Variants in CNTN4 observed in about 807,000 individuals in gnomAD.
CNTN4 encodes the protein contactin 4.
CNTN4 carries 77 observed loss-of-function variants against 122.5 expected under a neutral mutation model. The ratio of observed to expected loss-of-function variants is 0.63; its 90% CI spans 0.52 to 0.76. The LOEUF is 0.76. Ranked by LOEUF, CNTN4 falls within the 30% of genes least tolerant of loss-of-function variation. The probability of loss-of-function intolerance (pLI) is 0.00; values close to 1 mark genes in which losing one functional copy is unlikely to be tolerated. For missense variants in CNTN4, 1,256 were observed against 1,259.1 expected (o/e 1.00, Z 0.04); for synonymous variants, 512 against 447.0 (o/e 1.15, Z -1.83).
At chr3:2,554,610 A>AT (rs1298057659) in intron 3 of CNTN4, among the ~76,000 whole-genome samples, 1 of 152,036 alleles carries the variant, frequency 6.6e-6, no homozygotes. Flanking sequence ...AAATATATAT[A>AT]TTTTTTATTT....
chr3:2,559,873 T>G (rs1182349688), intron 3 of CNTN4, among the ~76,000 whole-genome samples: 1 of 152,178 alleles, frequency 6.6e-6, no homozygotes, highest in Non-Finnish European at 1.5e-5. Flanking sequence ...TGAAGAAGAA[T>G]GCAAGCTCCA....
intron 3 of CNTN4, among the ~76,000 whole-genome samples, chr3:2,484,944 G>T (rs900186304): frequency 1.3e-5 from 2 of 152,154 alleles, no homozygotes; most frequent in African/African-American, 4.8e-5. Context: ...GCTGCACCCT[G>T]CGCTCACCGG....
chr3:2,984,854 A>G (rs1694402090), intron 13 of CNTN4, among the ~76,000 whole-genome samples: 1 of 152,260 alleles, frequency 6.6e-6, no homozygotes, highest in Non-Finnish European at 1.5e-5. Flanking sequence ...GTCACCTTAC[A>G]TATTGAATTC....
chr3:2,288,093 A>G (rs1215485331), intron 2 of CNTN4, among the ~76,000 whole-genome samples: 1 of 152,218 alleles, frequency 6.6e-6, no homozygotes, highest in African/African-American at 2.4e-5. Flanking sequence ...ATAAATTAGA[A>G]TAGATATTAG....
At chr3:2,269,820 G>A (rs1003987436) in intron 2 of CNTN4, among the ~76,000 whole-genome samples, 2 of 152,158 alleles carry the variant, frequency 1.3e-5, no homozygotes, top group African/African-American at 2.4e-5. Context: ...TTTGTAGATG[G>A]AAAGATAGTT....
chr3:2,638,721 C>T (rs1183838075), intron 4 of CNTN4, among the ~76,000 whole-genome samples: 2 of 152,144 alleles, frequency 1.3e-5, no homozygotes, highest in Admixed American at 6.5e-5. Flanking sequence ...TTGACCTGAC[C>T]TCCTCTTTTT....
In CNTN4 at chr3:2,977,729, C is replaced by T. The variant is rs931435768; in HGVS notation, c.1359-10616C>T. Among the ~76,000 whole-genome samples, 6 of 152,214 alleles carry T rather than the reference C, an allele frequency of 3.9e-5. No homozygotes were observed. The South Asian group carries it at 1.0e-3, about 26-fold the overall frequency. ...CTGGGGGGTTTCCTCTCTTGATACC[C>T]GTTATGGGTTAAACAGTTTCCCTAT... is the stretch of plus-strand genomic sequence containing the variant. On this transcript the variant is annotated intron_variant, in intron 13 of 24. Coordinates refer to ENST00000418658, the MANE Select transcript of CNTN4 (RefSeq NM_175607.3).
chr3:2,288,920 G>C (rs2042037771), intron 2 of CNTN4, among the ~76,000 whole-genome samples: 1 of 152,146 alleles, frequency 6.6e-6, no homozygotes, highest in South Asian at 2.1e-4. Context: ...CCAAGGAATA[G>C]AGTTAAATGA....
At chr3:2,191,058 C>T (rs1467488994) in intron 2 of CNTN4, among the ~76,000 whole-genome samples, 1 of 152,042 alleles carries the variant, frequency 6.6e-6, no homozygotes, top group East Asian at 1.9e-4. Context: ...CCTCTATCCT[C>T]ATCTCAAGCT....
At chr3:2,218,196 C>G (rs1445086931) in intron 2 of CNTN4, among the ~76,000 whole-genome samples, 10 of 151,780 alleles carry the variant, frequency 6.6e-5, no homozygotes, top group Non-Finnish European at 1.2e-4. Flanking sequence ...TCAAAGGGAG[C>G]TAAGAATGTA....
At chr3:2,161,013 AAAGTT>A (rs2035944033) in intron 2 of CNTN4, among the ~76,000 whole-genome samples, 1 of 152,154 alleles carries the variant, frequency 6.6e-6, no homozygotes, top group African/African-American at 2.4e-5. Context: ...TTCAGTGGTT[AAAGTT>A]GAGTACCAAG....
intron 23 of CNTN4, among the ~76,000 whole-genome samples, chr3:3,049,427 T>C (rs1022075553): frequency 2.6e-5 from 4 of 152,186 alleles, no homozygotes; most frequent in Admixed American, 6.5e-5. Context: ...ACAGTTATTA[T>C]TGCTAGTTTT....
intron 3 of CNTN4, among the ~76,000 whole-genome samples, chr3:2,468,540 C>T (rs572092730): frequency 2.4e-4 from 36 of 152,144 alleles, no homozygotes; most frequent in African/African-American, 3.9e-4. Flanking sequence ...CTGGGATCTA[C>T]AGAGAAGACT....
At chr3:2,126,647 GA>G (rs917894181) in intron 2 of CNTN4, among the ~76,000 whole-genome samples, 3 of 152,146 alleles carry the variant, frequency 2.0e-5, no homozygotes, top group African/African-American at 7.2e-5. Context: ...AAGGTAATTT[GA>G]TATACAAAAT....
intron 4 of CNTN4, among the ~76,000 whole-genome samples, chr3:2,727,500 T>C (rs1478915192): frequency 6.6e-6 from 1 of 152,202 alleles, no homozygotes; most frequent in African/African-American, 2.4e-5. Flanking sequence ...TAATCCATTG[T>C]TCCTGGAATG....
At chr3:2,973,213 A>G (rs6790762) in intron 13 of CNTN4, among the ~76,000 whole-genome samples, 4,205 of 152,178 alleles carry the variant, frequency 0.028, 87 homozygotes, top group Non-Finnish European at 0.042. Context: ...TGCTGTAAGG[A>G]CTTGAGTCGA....
At chr3:2,653,016 T>C (rs1392625715) in intron 4 of CNTN4, among the ~76,000 whole-genome samples, 7 of 152,156 alleles carry the variant, frequency 4.6e-5, no homozygotes, top group Non-Finnish European at 8.8e-5. Context: ...AATGTTGGTG[T>C]TCATGCTGGG....
At chr3:2,956,758 A>G (rs978688080) in intron 13 of CNTN4, among the ~76,000 whole-genome samples, 3 of 152,114 alleles carry the variant, frequency 2.0e-5, no homozygotes, top group South Asian at 2.1e-4. Flanking sequence ...TTATAACTGC[A>G]ATTTTATACT....
At chr3:2,237,225 A>G (rs1216924226) in intron 2 of CNTN4, among the ~76,000 whole-genome samples, 1 of 152,086 alleles carries the variant, frequency 6.6e-6, no homozygotes, top group East Asian at 1.9e-4. Context: ...AGAGATGTGA[A>G]TGAAGTAAAA....
Sources: gnomAD v4.1 joint callset for allele counts (sites outside exome capture counted in the v4.1 genomes callset) on GRCh38, gnomAD v4.1.1 for gene constraint, MANE v1.5 for transcripts, NCBI Gene and HGNC (gene_info 2026-07-23, HGNC 2026-07-21) for gene names.